Variants in LHFPL3 observed in about 807,000 individuals in gnomAD.
LHFPL3 encodes LHFPL tetraspan subfamily member 3.
Under a neutral mutation model 19.3 loss-of-function variants are expected in LHFPL3, and 5 were observed. The observed-to-expected ratio is 0.26, with a 90% CI of 0.14 to 0.54. LHFPL3 has a LOEUF of 0.54. Among genes scored for constraint, LHFPL3 ranks in the 20% least tolerant of loss-of-function variants. The probability of loss-of-function intolerance (pLI) is 0.94; values close to 1 mark genes in which losing one functional copy is unlikely to be tolerated. For synonymous variants in LHFPL3, 133 were observed against 126.2 expected (o/e 1.05, Z -0.36); for missense variants, 249 against 307.4 (o/e 0.81, Z 1.42).
In LHFPL3 at chr7:104,457,962, G is replaced by T. The variant is rs1347378762; in HGVS notation, c.445+128738G>T. Among the ~76,000 whole-genome samples, 4 of 143,108 alleles carry T rather than the reference G, an allele frequency of 2.8e-5. No homozygotes were observed. In the East Asian group the frequency reaches 6.6e-4, roughly 23 times the overall value. The allele number at this position is 143,108 out of a possible 152,430, so 93.9% of individuals were successfully genotyped here. On this transcript the variant is annotated intron_variant, in intron 1 of 2. Coordinates refer to ENST00000424859, the MANE Select transcript of LHFPL3 (RefSeq NM_199000.3). ...CCTTCACCCACTTTTTGATGGGGTT[G>T]TTTGTTTTTTTCTTGTAAATTTGTT...
chr7:104,644,275 GC>G (rs1791888859), intron 1 of LHFPL3, among the ~76,000 whole-genome samples: 1 of 152,098 alleles, frequency 6.6e-6, no homozygotes. Context: ...AAAACCTCAT[GC>G]CCCCCTCCAC....
chr7:104,671,921 A>G (rs1427708064), intron 1 of LHFPL3, among the ~76,000 whole-genome samples: 1 of 152,140 alleles, frequency 6.6e-6, no homozygotes, highest in Non-Finnish European at 1.5e-5. Context: ...ATTTCTTTTG[A>G]AAGAATTATT....
chr7:104,453,880 A>G (rs983860995), intron 1 of LHFPL3, among the ~76,000 whole-genome samples: 4 of 152,082 alleles, frequency 2.6e-5, no homozygotes, highest in Non-Finnish European at 4.4e-5. Context: ...ATCGCCTTCC[A>G]CCATAATTGT....
chr7:104,489,335 G>A lies in LHFPL3; in HGVS notation c.445+160111G>A, dbSNP rs190014883. Among the ~76,000 whole-genome samples the A allele has an allele frequency of 1.3e-3, 193 of 150,670 alleles. 55 individuals are homozygous for A. Among genetic ancestry groups the A allele is most frequent in the African/African-American group, 4.5e-3 (185 of 41,060 alleles). ...CCTGACCTCGTGATCCGCCCGCCTCGGCCTCCCAAAGTGGTGCTGAAATCT... is the reference window on the plus strand; with the variant it reads ...CCTGACCTCGTGATCCGCCCGCCTCAGCCTCCCAAAGTGGTGCTGAAATCT... On this transcript the variant is annotated intron_variant, in intron 1 of 2. Transcript: ENST00000424859.
At chr7:104,541,207 A>T (rs955610943) in intron 1 of LHFPL3, among the ~76,000 whole-genome samples, 2 of 151,588 alleles carry the variant, frequency 1.3e-5, no homozygotes, top group Non-Finnish European at 2.9e-5. Context: ...CCAAGGCTGA[A>T]TGAGGTGTCC....
At chr7:104,439,766 T>C (rs4730015) in intron 1 of LHFPL3, among the ~76,000 whole-genome samples, 58,786 of 151,896 alleles carry the variant, frequency 0.39, 13,679 homozygotes, top group African/African-American at 0.64. Flanking sequence ...TGAACGCTTT[T>C]CTCCTCAGAT....
chr7:104,841,444 A>G (rs572118109), intron 2 of LHFPL3, among the ~76,000 whole-genome samples: 171 of 152,058 alleles, frequency 1.1e-3, no homozygotes, highest in African/African-American at 3.9e-3. Context: ...TTGAATGATC[A>G]AACAATGATA....
chr7:104,860,316 G>A (rs571517196), intron 2 of LHFPL3, among the ~76,000 whole-genome samples: 10 of 152,242 alleles, frequency 6.6e-5, no homozygotes, highest in Admixed American at 5.2e-4. Flanking sequence ...GCTGAATAAT[G>A]AACCTTGCAT....
intron 1 of LHFPL3, among the ~76,000 whole-genome samples, chr7:104,468,521 C>T (rs1029761006): frequency 1.3e-5 from 2 of 152,116 alleles, no homozygotes; most frequent in Non-Finnish European, 2.9e-5. Flanking sequence ...ATAAATGCAT[C>T]ATTTGTGCCC....
rs543077419 is a variant in LHFPL3, at chr7:104,846,658, G to A, written c.683-59529G>A. Among the ~76,000 whole-genome samples the A allele has an allele frequency of 7.9e-5, 12 of 152,280 alleles. No homozygotes were observed. The South Asian group carries it at 2.5e-3, about 32-fold the overall frequency. On this transcript the variant is annotated intron_variant, in intron 2 of 2. Coordinates refer to ENST00000424859, the MANE Select transcript of LHFPL3 (RefSeq NM_199000.3). ...TCTTCCCATCAAAGCATCTTTTTGT[G>A]TTATGTCCCAGTTCCTTTCTCTCTG... is the stretch of plus-strand genomic sequence containing the variant.
chr7:104,330,407 A>G (rs903992281), intron 1 of LHFPL3, among the ~76,000 whole-genome samples: 12 of 152,180 alleles, frequency 7.9e-5, no homozygotes, highest in African/African-American at 2.4e-4. Context: ...CGTTTATTCT[A>G]TTCCTGGGAA....
chr7:104,896,963 G>A (rs1792375402), intron 2 of LHFPL3, among the ~76,000 whole-genome samples: 1 of 152,072 alleles, frequency 6.6e-6, no homozygotes, highest in Non-Finnish European at 1.5e-5. Context: ...GCGCACACCT[G>A]TAGTCCCAGC....
intron 2 of LHFPL3, among the ~76,000 whole-genome samples, chr7:104,870,634 C>T (rs544304693): frequency 1.3e-5 from 2 of 152,282 alleles, no homozygotes; most frequent in South Asian, 2.1e-4. Context: ...AAAGTTAAGG[C>T]AGGGTGGTCT....
At chr7:104,766,330 C>G (rs1367035633) in intron 2 of LHFPL3, among the ~76,000 whole-genome samples, 2 of 152,198 alleles carry the variant, frequency 1.3e-5, no homozygotes, top group East Asian at 3.8e-4. Flanking sequence ...CTATCTTTGA[C>G]AAGGCTCTTA....
At chr7:104,388,397 C>G (rs966513919) in intron 1 of LHFPL3, among the ~76,000 whole-genome samples, 2 of 151,748 alleles carry the variant, frequency 1.3e-5, no homozygotes, top group African/African-American at 4.9e-5. Context: ...AAGGGATCCT[C>G]AATAAGACAT....
chr7:104,586,216 A>G (rs938370383), intron 1 of LHFPL3, among the ~76,000 whole-genome samples: 1 of 152,162 alleles, frequency 6.6e-6, no homozygotes, highest in Non-Finnish European at 1.5e-5. Flanking sequence ...AAATTTAAGG[A>G]TGGGGTAGTT....
intron 1 of LHFPL3, among the ~76,000 whole-genome samples, chr7:104,606,172 T>A (rs1791096570): frequency 1.3e-5 from 2 of 152,148 alleles, no homozygotes; most frequent in South Asian, 4.1e-4. Context: ...AAAAGACGTG[T>A]TTAGATGGCA....
Position 104,399,186 on chromosome 7 carries a change from C to A in LHFPL3, c.445+69962C>A, listed in dbSNP as rs141608540. Among the ~76,000 whole-genome samples the A allele has an allele frequency of 3.6e-4, 55 of 152,152 alleles. No individual in the cohort carries two copies. The highest frequency in any genetic ancestry group is 6.9e-4 in the Non-Finnish European group (47 of 68,006). On this transcript the variant is annotated intron_variant, in intron 1 of 2. Transcript: ENST00000424859. This position sits in a 1 kb window ranked among gnomAD's most constrained non-coding sequence, Gnocchi z 4.4. ...AGTGAGCTGCCCCAGGAGCTGCCAC[C>A]CCTGATGTCCTCTTACTTCCCTTGA...
Position 104,430,383 on chromosome 7 carries a change from C to CGT in LHFPL3, c.445+101159_445+101160insGT, listed in dbSNP as rs1378252206. ...GCATTTCTGTGGGTATATATATATA[C>CGT]ATATATATATATATATATATACATA... On this transcript the variant is annotated intron_variant, in intron 1 of 2. Coordinates refer to ENST00000424859, the MANE Select transcript of LHFPL3 (RefSeq NM_199000.3). Among the ~76,000 whole-genome samples the CGT allele has an allele frequency of 3.6e-3, 144 of 39,686 alleles. 3 individuals carry two copies. The highest frequency in any genetic ancestry group is 9.5e-3 in the East Asian group (14 of 1,480). The allele number at this position is 39,686 out of a possible 152,430, so 26.0% of individuals were successfully genotyped here. A position where few individuals can be genotyped will look rare whatever the true frequency, so the allele number is the denominator to read the frequency against.
Sources: gnomAD v4.1 joint callset for allele counts (sites outside exome capture counted in the v4.1 genomes callset) on GRCh38, gnomAD v4.1.1 for gene constraint, Gnocchi (gnomAD v3.1) non-coding constraint, MANE v1.5 for transcripts, NCBI Gene and HGNC (gene_info 2026-07-23, HGNC 2026-07-21) for gene names.